The following COL25A1 variants were observed in gnomAD, a reference collection of about 807,000 sequenced individuals.
COL25A1 encodes the protein collagen alpha-1(XXV) chain.
In COL25A1, 103 loss-of-function variants were observed where a neutral mutation model predicts 128.4. That is an observed-to-expected ratio of 0.80 (90% CI 0.68 to 0.94). The LOEUF is 0.94. COL25A1 is among the 40% of genes least tolerant of loss of function. COL25A1 has a pLI of 0.00. For missense variants in COL25A1, 745 were observed against 840.0 expected (o/e 0.89, Z 1.40); for synonymous variants, 279 against 277.2 (o/e 1.01, Z -0.06).
intron 3 of COL25A1, among the ~76,000 whole-genome samples, chr4:109,069,151 G>A (rs377268487): frequency 6.7e-6 from 1 of 149,066 alleles, no homozygotes; most frequent in African/African-American, 2.5e-5. Context: ...TGGCTGAGCA[G>A]AAAACTCTTG....
chr4:108,942,592 T>C (rs1201769931), intron 8 of COL25A1, among the ~76,000 whole-genome samples: 1 of 151,788 alleles, frequency 6.6e-6, no homozygotes. Context: ...TACAGCCATG[T>C]GCCACCACGC....
chr4:109,199,617 T>A (rs368013159), intron 3 of COL25A1, among the ~76,000 whole-genome samples: 1 of 152,120 alleles, frequency 6.6e-6, no homozygotes, highest in Non-Finnish European at 1.5e-5. Flanking sequence ...TACATGAATA[T>A]AGTAATCCAA....
intron 3 of COL25A1, among the ~76,000 whole-genome samples, chr4:109,074,737 G>A (rs1763248981): frequency 6.6e-6 from 1 of 152,004 alleles, no homozygotes; most frequent in African/African-American, 2.4e-5. Flanking sequence ...CACCATTTAG[G>A]CATTCAATGG....
intron 3 of COL25A1, among the ~76,000 whole-genome samples, chr4:109,211,895 T>C (rs1206280533): frequency 2.0e-5 from 3 of 152,150 alleles, no homozygotes; most frequent in Non-Finnish European, 4.4e-5. Flanking sequence ...ACCTGAAGAA[T>C]GCTATAGCAG....
chr4:108,940,473 C>T, intron 10 of COL25A1, 66 bp downstream of exon 10: 1 of 1,352,268 alleles, frequency 7.4e-7, no homozygotes, highest in Non-Finnish European at 1.1e-6. Context: ...CCCTACTCCA[C>T]CCTAGTTCTC....
At chr4:108,859,778 C>T (rs762833950) in intron 23 of COL25A1, 45 bp from the exon 24 acceptor site, 24 of 1,442,458 alleles carry the variant, frequency 1.7e-5, no homozygotes, top group Non-Finnish European at 2.2e-5. Flanking sequence ...ATTAGCTTAG[C>T]ATGTAGGGTG....
intron 8 of COL25A1, among the ~76,000 whole-genome samples, chr4:108,973,138 T>A (rs1752087576): frequency 6.6e-6 from 1 of 152,198 alleles, no homozygotes. Context: ...TGAGGAGACA[T>A]GTCATGTGAA....
chr4:108,975,834 T>C (rs1348120066), intron 6 of COL25A1, among the ~76,000 whole-genome samples: 1 of 152,180 alleles, frequency 6.6e-6, no homozygotes, highest in South Asian at 2.1e-4. Context: ...TCATACCTTT[T>C]GTCCTTGGCC....
chr4:108,909,801 C>G lies in COL25A1; in HGVS notation c.780+8371G>C, dbSNP rs541299324. 4.6e-5 allele frequency among the ~76,000 whole-genome samples: 7 copies of G among 152,322 alleles called. No homozygotes were observed. In the South Asian group the frequency reaches 8.3e-4, roughly 18 times the overall value. Reference sequence around the variant, plus strand: ...ATGCACGGTCACACAGATACTCCCCCATTCCACTCCCTGCCTGATAATTTC... The same window carrying G: ...ATGCACGGTCACACAGATACTCCCCGATTCCACTCCCTGCCTGATAATTTC... On this transcript the variant is annotated intron_variant, in intron 13 of 37. Transcript: ENST00000399132.
At chr4:108,897,317 TTTG>T (rs544315228) in intron 15 of COL25A1, among the ~76,000 whole-genome samples, 1 of 152,236 alleles carries the variant, frequency 6.6e-6, no homozygotes, top group Non-Finnish European at 1.5e-5. Context: ...TTATGCTTTT[TTTG>T]TTGTTATTTT....
intron 6 of COL25A1, among the ~76,000 whole-genome samples, chr4:108,991,343 G>T (rs1287036575): frequency 6.6e-6 from 1 of 152,006 alleles, no homozygotes; most frequent in Non-Finnish European, 1.5e-5. Flanking sequence ...ATACACAAAT[G>T]ATCATGTTAA....
intron 3 of COL25A1, among the ~76,000 whole-genome samples, chr4:109,243,798 A>G (rs1780064393): frequency 6.6e-6 from 1 of 152,086 alleles, no homozygotes; most frequent in South Asian, 2.1e-4. Flanking sequence ...ATAGATTACC[A>G]TCTTCCTATA....
chr4:109,285,480 C>T (rs1291135098), intron 3 of COL25A1, among the ~76,000 whole-genome samples: 1 of 152,204 alleles, frequency 6.6e-6, no homozygotes, highest in Non-Finnish European at 1.5e-5. Context: ...TTCAAACACA[C>T]TCTCTCCAAC....
In COL25A1 at chr4:109,301,932, T is replaced by G. The variant is rs1578679673; in HGVS notation, c.88A>C (p.Thr30Pro). Residue 30 changes from threonine to proline, a missense_variant, in exon 2 of 38, where the codon ACC becomes CCC. Thr to Pro is a conservative substitution (Grantham distance 38, BLOSUM62 -1). Coordinates refer to ENST00000399132, the MANE Select transcript of COL25A1 (RefSeq NM_198721.4). Reference sequence around the variant, plus strand: ...GCCAGGACGGCACACGGGGGCATGGTCCGGGCACAATGCTGTTCGGCAGGG... The same window carrying G: ...GCCAGGACGGCACACGGGGGCATGGGCCGGGCACAATGCTGTTCGGCAGGG... ...PTPAEQHCARTMPPCAVLAAL... is the reference protein window; with the variant it reads ...PTPAEQHCARPMPPCAVLAAL... 1 of 1,613,842 alleles carries G rather than the reference T, an allele frequency of 6.2e-7. No individual in the cohort carries two copies. Among genetic ancestry groups the G allele is most frequent in the Non-Finnish European group, 8.5e-7 (1 of 1,180,036 alleles).
Position 109,298,209 on chromosome 4 carries a change from A to T in COL25A1, c.367+2374T>A, listed in dbSNP as rs72672630. Among the ~76,000 whole-genome samples the T allele has an allele frequency of 2.7e-3, 407 of 152,204 alleles. 1 individual carries two copies. The highest frequency in any genetic ancestry group is 4.5e-3 in the Non-Finnish European group (306 of 67,960). On this transcript the variant is annotated intron_variant, in intron 3 of 37. Transcript: ENST00000399132. Reference sequence around the variant, plus strand: ...TCCCCTGCCATTAGAAGCCATTTTTAAAAAATTGTCCTTTTCATCTCTCTC... The same window carrying T: ...TCCCCTGCCATTAGAAGCCATTTTTTAAAAATTGTCCTTTTCATCTCTCTC...
chr4:109,203,764 T>A lies in COL25A1; in HGVS notation c.367+96819A>T, dbSNP rs114205620. On this transcript the variant is annotated intron_variant, in intron 3 of 37. Transcript: ENST00000399132. ...GCAATGTTTAATTCCAAGGGAAAAA[T>A]TTAATCATGGAACAATATGGCCCAA... is the stretch of plus-strand genomic sequence containing the variant. 7.2e-3 allele frequency among the ~76,000 whole-genome samples: 1,084 copies of A among 150,318 alleles called. 16 individuals carry two copies. Among genetic ancestry groups the A allele is most frequent in the African/African-American group, 0.024 (997 of 41,364 alleles).
intron 3 of COL25A1, among the ~76,000 whole-genome samples, chr4:109,252,720 G>T (rs1227280151): frequency 6.6e-6 from 1 of 152,244 alleles, no homozygotes; most frequent in East Asian, 1.9e-4. Context: ...CGCATGTCTG[G>T]TCATCTCTCC....
chr4:109,187,368 T>C (rs1303114106), intron 3 of COL25A1, among the ~76,000 whole-genome samples: 1 of 152,210 alleles, frequency 6.6e-6, no homozygotes, highest in East Asian at 1.9e-4. Context: ...TCTAACATGA[T>C]TAAAAACATA....
chr4:109,086,831 C>A (rs766179411), intron 3 of COL25A1, among the ~76,000 whole-genome samples: 3 of 152,344 alleles, frequency 2.0e-5, no homozygotes, highest in Non-Finnish European at 2.9e-5. Flanking sequence ...GCTCCCCTTA[C>A]ACACCTTTAC....
Sources: allele counts gnomAD v4.1 joint callset (sites outside exome capture counted in the v4.1 genomes callset), GRCh38; gene constraint gnomAD v4.1.1; transcripts MANE v1.5; gene names NCBI Gene and HGNC (gene_info 2026-07-23, HGNC 2026-07-21).